PXDNL: variants seen among roughly 807,000 people sequenced by gnomAD.
PXDNL encodes probable oxidoreductase PXDNL.
In PXDNL, 145 loss-of-function variants were observed where a neutral mutation model predicts 150.8. The ratio of observed to expected loss-of-function variants is 0.96; its 90% CI spans 0.84 to 1.10. The LOEUF (loss-of-function observed/expected upper bound fraction) is 1.10, where lower values mean the gene tolerates loss of function less well. PXDNL is among the 50% of genes least tolerant of loss of function. The pLI, the probability that PXDNL is intolerant of heterozygous loss-of-function variation, is 0.00. For synonymous variants in PXDNL, 757 were observed against 725.7 expected (o/e 1.04, Z -0.69); for missense variants, 2,087 against 1,873.9 (o/e 1.11, Z -2.10).
At chr8:51,522,360 T>C (rs1043967987) in intron 4 of PXDNL, among the ~76,000 whole-genome samples, 1 of 152,160 alleles carries the variant, frequency 6.6e-6, no homozygotes, top group African/African-American at 2.4e-5. Flanking sequence ...GAATGAGTTA[T>C]GAAATGAGCA....
At chr8:51,788,875 G>T (rs1307889461) in intron 1 of PXDNL, among the ~76,000 whole-genome samples, 5 of 152,194 alleles carry the variant, frequency 3.3e-5, no homozygotes, top group Non-Finnish European at 7.3e-5. Context: ...CTATGCTTCA[G>T]TTCCGCACTA....
intron 1 of PXDNL, among the ~76,000 whole-genome samples, chr8:51,718,318 A>G (rs1174928567): frequency 1.3e-5 from 2 of 152,112 alleles, no homozygotes; most frequent in African/African-American, 4.8e-5. Flanking sequence ...CATCTTTAGC[A>G]CTGGACCCAG....
intron 1 of PXDNL, among the ~76,000 whole-genome samples, chr8:51,779,549 G>T (rs544406989): frequency 2.6e-5 from 4 of 152,232 alleles, no homozygotes; most frequent in Non-Finnish European, 4.4e-5. Context: ...CCTGGAGAAA[G>T]CCTGTGCCCA....
chr8:51,355,269 A>T (rs986674568), intron 19 of PXDNL, among the ~76,000 whole-genome samples: 1 of 152,204 alleles, frequency 6.6e-6, no homozygotes, highest in Non-Finnish European at 1.5e-5. Flanking sequence ...TTAAACTTTC[A>T]TTAGTTCACA....
At chr8:51,544,611 A>G (rs189329713) in intron 4 of PXDNL, among the ~76,000 whole-genome samples, 35 of 152,348 alleles carry the variant, frequency 2.3e-4, no homozygotes, top group Admixed American at 1.6e-3. Context: ...CAAATTTTCA[A>G]TCAGCAAACA....
intron 3 of PXDNL, among the ~76,000 whole-genome samples, chr8:51,560,706 A>C (rs1484152989): frequency 6.6e-6 from 1 of 151,998 alleles, no homozygotes; most frequent in Non-Finnish European, 1.5e-5. Context: ...AGAAAGCTCC[A>C]TGACCTTGGG....
intron 2 of PXDNL, among the ~76,000 whole-genome samples, chr8:51,652,687 A>G (rs960537564): frequency 9.2e-5 from 14 of 152,342 alleles, no homozygotes; most frequent in African/African-American, 3.1e-4. Flanking sequence ...CCTCATCTGT[A>G]AAATGAACGT....
chr8:51,782,919 T>C (rs1393885498), intron 1 of PXDNL, among the ~76,000 whole-genome samples: 1 of 152,208 alleles, frequency 6.6e-6, no homozygotes, highest in African/African-American at 2.4e-5. Flanking sequence ...TTAAGAAACA[T>C]GACAATCTGC....
chr8:51,743,951 A>AAGGAAG (rs1563306970), intron 1 of PXDNL, among the ~76,000 whole-genome samples: 3 of 8,322 alleles, frequency 3.6e-4, no homozygotes, highest in Admixed American at 2.3e-3. Context: ...AGAGAAAGAG[A>AAGGAAG]GAAAGAAAAA....
chr8:51,431,002 C>G (rs1472561907), intron 12 of PXDNL, among the ~76,000 whole-genome samples: 1 of 152,178 alleles, frequency 6.6e-6, no homozygotes, highest in Admixed American at 6.5e-5. Flanking sequence ...ATTGACTTCT[C>G]CACAAAGAAA....
At chr8:51,324,126 G>A (rs1240104125) in intron 21 of PXDNL, among the ~76,000 whole-genome samples, 1 of 151,990 alleles carries the variant, frequency 6.6e-6, no homozygotes, top group Non-Finnish European at 1.5e-5. Flanking sequence ...CGTTTATCTT[G>A]GGTTTATGTT....
At position 51,654,684 on chromosome 8, in the gene PXDNL, C is replaced by T; in HGVS notation, c.236+5G>A. On this transcript the variant is annotated splice_donor_5th_base_variant and intron_variant, in intron 2 of 22. Coordinates refer to ENST00000356297, the MANE Select transcript of PXDNL (RefSeq NM_144651.5). The stretch of plus-strand genomic sequence containing the variant: ...GAACCTTACAGATAAGCAATAAGTA[C>T]TCACAGTGTGTTCAAATTCTTGAGT... The T allele has an allele frequency of 6.2e-7, 1 of 1,608,644 alleles. No individual in the cohort carries two copies. Among genetic ancestry groups the T allele is most frequent in the Non-Finnish European group, 8.5e-7 (1 of 1,175,570 alleles).
intron 6 of PXDNL, among the ~76,000 whole-genome samples, chr8:51,475,874 T>C (rs1159313374): frequency 6.6e-6 from 1 of 152,004 alleles, no homozygotes; most frequent in Non-Finnish European, 1.5e-5. Context: ...TGAGAACATA[T>C]GGTGTTTGGT....
chr8:51,790,711 G>A (rs1484164428), intron 1 of PXDNL, among the ~76,000 whole-genome samples: 1 of 81,544 alleles, frequency 1.2e-5, no homozygotes, highest in Non-Finnish European at 3.8e-5. Flanking sequence ...CGGGGGCGAG[G>A]TCCGGATGGG....
chr8:51,538,237 T>C (rs1238278188), intron 4 of PXDNL, among the ~76,000 whole-genome samples: 2 of 152,230 alleles, frequency 1.3e-5, no homozygotes, highest in Non-Finnish European at 2.9e-5. Context: ...CTTTGATTTT[T>C]CCAAACAATT....
chr8:51,399,707 T>C (rs1808190256), intron 17 of PXDNL, among the ~76,000 whole-genome samples: 1 of 152,242 alleles, frequency 6.6e-6, no homozygotes, highest in African/African-American at 2.4e-5. Flanking sequence ...ACTTAAAATG[T>C]GTGCATTGTA....
At chr8:51,491,928 A>T (rs777611047) in intron 5 of PXDNL, among the ~76,000 whole-genome samples, 5 of 152,230 alleles carry the variant, frequency 3.3e-5, no homozygotes, top group Non-Finnish European at 7.3e-5. Flanking sequence ...CTGCTCACAC[A>T]GGTTAGAGCA....
intron 1 of PXDNL, among the ~76,000 whole-genome samples, chr8:51,722,773 G>C (rs13252521): frequency 0.15 from 22,183 of 152,130 alleles, 1,991 homozygotes; most frequent in Non-Finnish European, 0.19. Flanking sequence ...CATGGAGCCT[G>C]GGGTTTGGGG....
intron 17 of PXDNL, among the ~76,000 whole-genome samples, chr8:51,385,006 A>G (rs1190938207): frequency 6.6e-6 from 1 of 152,202 alleles, no homozygotes; most frequent in East Asian, 1.9e-4. Context: ...AGATAAGTCC[A>G]GGCAGTCATT....
Sources: allele counts gnomAD v4.1 joint callset (sites outside exome capture counted in the v4.1 genomes callset), GRCh38; gene constraint gnomAD v4.1.1; transcripts MANE v1.5; gene names NCBI Gene and HGNC (gene_info 2026-07-23, HGNC 2026-07-21).